TRMT11: variants seen among roughly 807,000 people sequenced by gnomAD.
The protein encoded by TRMT11 is tRNA methyltransferase 11, also known as tRNA (guanine(10)-N(2))-methyltransferase TRMT11.
TRMT11 carries 53 observed loss-of-function variants against 62.8 expected under a neutral mutation model. The observed-to-expected ratio is 0.84, with a 90% CI of 0.68 to 1.06. The LOEUF is 1.06. TRMT11 is among the 50% of genes least tolerant of loss of function. The pLI, the probability that TRMT11 is intolerant of heterozygous loss-of-function variation, is 0.00. For synonymous variants in TRMT11, 188 were observed against 190.3 expected (o/e 0.99, Z 0.10); for missense variants, 556 against 553.4 (o/e 1.00, Z -0.05).
chr6:126,198,356 A>G (rs2128251292), intron 1 of TRMT11, among the ~76,000 whole-genome samples: 1 of 152,310 alleles, frequency 6.6e-6, no homozygotes, highest in South Asian at 2.1e-4. Flanking sequence ...CTTGTATAGA[A>G]TATATATAAG....
chr6:126,037,374 A>G (rs1775386116), intron 12 of TRMT11, among the ~76,000 whole-genome samples: 1 of 152,104 alleles, frequency 6.6e-6, no homozygotes, highest in Non-Finnish European at 1.5e-5. Context: ...ATACAAAATA[A>G]CCAGCAAATG....
At chr6:126,083,274 T>A (rs1355960941) in intron 17 of TRMT11, among the ~76,000 whole-genome samples, 2 of 152,174 alleles carry the variant, frequency 1.3e-5, no homozygotes, top group East Asian at 3.9e-4. Flanking sequence ...CAGTAGTCTC[T>A]AACCCTTCTT....
the TRMT11 span, among the ~76,000 whole-genome samples, chr6:126,228,506 T>G: frequency 1.3e-5 from 2 of 152,314 alleles, no homozygotes; most frequent in East Asian, 3.9e-4. Flanking sequence ...GTCATTAATT[T>G]CCCTGAAAAT....
chr6:126,003,107 C>G (rs1252069465), intron 7 of TRMT11, among the ~76,000 whole-genome samples: 2 of 152,028 alleles, frequency 1.3e-5, no homozygotes, highest in Admixed American at 1.3e-4. Context: ...ACAAATAATG[C>G]TTGAAATGAC....
the TRMT11 span, among the ~76,000 whole-genome samples, chr6:126,267,790 G>A: frequency 2.0e-5 from 3 of 152,098 alleles, no homozygotes; most frequent in Non-Finnish European, 2.9e-5. Context: ...TAAAAACATT[G>A]TTTTACAGTC....
chr6:126,211,907 ATCC>A, the TRMT11 span, among the ~76,000 whole-genome samples: 2 of 152,006 alleles, frequency 1.3e-5, no homozygotes, highest in African/African-American at 4.8e-5. Flanking sequence ...ATTAGTAACC[ATCC>A]TCTCTTTACT....
chr6:125,999,757 T>G (rs980538536), intron 7 of TRMT11, 144 bp downstream of exon 7: 12 of 634,476 alleles, frequency 1.9e-5, no homozygotes, highest in Non-Finnish European at 2.9e-5. Context: ...CACATACTTG[T>G]GTAATAGCTA....
intron 21 of TRMT11, among the ~76,000 whole-genome samples, chr6:126,147,490 A>G (rs1020340459): frequency 1.3e-5 from 2 of 152,244 alleles, no homozygotes; most frequent in Non-Finnish European, 2.9e-5. Flanking sequence ...AGACAACATC[A>G]AATTGCTAAG....
chr6:126,008,185 A>G (rs1462522840), intron 7 of TRMT11, among the ~76,000 whole-genome samples: 2 of 152,066 alleles, frequency 1.3e-5, no homozygotes, highest in Admixed American at 1.3e-4. Flanking sequence ...CAGGGTATAC[A>G]TTAATTTCTC....
intron 17 of TRMT11, among the ~76,000 whole-genome samples, chr6:126,096,207 T>A (rs1331501289): frequency 2.0e-5 from 3 of 152,198 alleles, no homozygotes; most frequent in Non-Finnish European, 2.9e-5. Flanking sequence ...TTAGGGCCAG[T>A]GGATCCATAG....
At chr6:126,104,624 G>A (rs1365977162) in intron 17 of TRMT11, among the ~76,000 whole-genome samples, 4 of 152,186 alleles carry the variant, frequency 2.6e-5, no homozygotes, top group African/African-American at 9.6e-5. Flanking sequence ...ACTGAAGGAA[G>A]GGTCTAAGAA....
chr6:126,118,122 C>T (rs1367571108), intron 21 of TRMT11, among the ~76,000 whole-genome samples: 4 of 152,028 alleles, frequency 2.6e-5, no homozygotes, highest in African/African-American at 9.7e-5. Context: ...GATTCAGGCC[C>T]CAGTTAAGTT....
At chr6:126,041,612 T>C (rs1775882072), downstream of TRMT11, among the ~76,000 whole-genome samples, 1 of 152,166 alleles carries the variant, frequency 6.6e-6, no homozygotes, top group South Asian at 2.1e-4. Context: ...TTCCATCCCA[T>C]TGTAATAAAT....
chr6:126,016,897 T>C (rs1795068525), intron 11 of TRMT11, among the ~76,000 whole-genome samples: 2 of 152,164 alleles, frequency 1.3e-5, no homozygotes, highest in South Asian at 2.1e-4. Flanking sequence ...AGCGATCTTA[T>C]TAATTATTAA....
chr6:126,057,024 C>G (rs543424933), intron 17 of TRMT11, among the ~76,000 whole-genome samples: 2 of 152,290 alleles, frequency 1.3e-5, no homozygotes, highest in South Asian at 4.1e-4. Context: ...GCAATTTTAT[C>G]AAAGGAACCC....
In TRMT11 at chr6:126,049,464, AT is replaced by A. The variant is rs557128074; in HGVS notation, c.*1370-3650del. 1.6e-3 allele frequency among the ~76,000 whole-genome samples: 250 copies of A among 151,586 alleles called. 1 individual carries two copies. Among genetic ancestry groups the A allele is most frequent in the African/African-American group, 5.4e-3 (221 of 41,306 alleles). On this transcript the variant is annotated intron_variant and NMD_transcript_variant, in intron 16 of 22. Coordinates refer to the TRMT11 transcript ENST00000648977. ...TTTTCTATAGATTCCAAGAGTGTTAATTTTTTTTTCTATTTTAATGTCAATT... is the reference window on the plus strand; with the variant it reads ...TTTTCTATAGATTCCAAGAGTGTTAATTTTTTTTCTATTTTAATGTCAATT...
chr6:126,253,127 A>T, the TRMT11 span, among the ~76,000 whole-genome samples: 2 of 152,220 alleles, frequency 1.3e-5, no homozygotes. Context: ...TATAATCTAA[A>T]ATGTGTATAC....
downstream of TRMT11, among the ~76,000 whole-genome samples, chr6:126,043,244 C>T (rs1175894694): frequency 6.5e-5 from 9 of 138,136 alleles, no homozygotes; most frequent in African/African-American, 1.1e-4. Context: ...TGATGTTCCC[C>T]TTCCTGTGTC....
chr6:126,010,654 A>G (rs1794041408), intron 8 of TRMT11, among the ~76,000 whole-genome samples: 1 of 152,016 alleles, frequency 6.6e-6, no homozygotes, highest in South Asian at 2.1e-4. Context: ...ATCAAGATTG[A>G]TATATCTTAA....
Sources: allele counts gnomAD v4.1 joint callset (sites outside exome capture counted in the v4.1 genomes callset), GRCh38; gene constraint gnomAD v4.1.1; transcripts MANE v1.5; gene names NCBI Gene and HGNC (gene_info 2026-07-23, HGNC 2026-07-21).